Variants in COL4A3 observed in about 807,000 individuals in gnomAD.
COL4A3 encodes the protein collagen alpha-3(IV) chain.
In COL4A3, 135 loss-of-function variants were observed where a neutral mutation model predicts 217.4. The ratio of observed to expected loss-of-function variants is 0.62; its 90% CI spans 0.54 to 0.72. The LOEUF is 0.72. Ranked by LOEUF, COL4A3 falls within the 30% of genes least tolerant of loss-of-function variation. The pLI is 0.00. For missense variants in COL4A3, 1,868 were observed against 2,119.9 expected, an observed-to-expected ratio of 0.88 and a Z score of 2.33; for synonymous variants, 690 against 736.3, an observed-to-expected ratio of 0.94 and a Z score of 1.02.
chr2:227,267,142 T>C (rs1175266536), intron 23 of COL4A3, 54 bp downstream of exon 23: 1 of 1,271,546 alleles, frequency 7.9e-7, no homozygotes, highest in Admixed American at 1.7e-5. Flanking sequence ...GTCAATACAC[T>C]GGAAGAAAAT....
Position 227,270,936 on chromosome 2 carries a change from G to A in COL4A3, c.1742G>A (p.Gly581Glu). ...PGTPGVKGLPGPKGELALSGE... is the reference protein window; with the variant it reads ...PGTPGVKGLPEPKGELALSGE... ...ACTCCGGGAGTGAAAGGATTACCAG[G>A]ACCTAAAGGCGAACTGGTTGGTATT... is the stretch of plus-strand genomic sequence containing the variant. Residue 581 changes from glycine to glutamate, a missense_variant, in exon 25 of 52, where the codon GGA becomes GAA. This residue lies in a region of COL4A3 where 1,503 missense variants were observed against 1,786.1 expected (regional missense o/e 0.84). Coordinates refer to ENST00000396578, the MANE Select transcript of COL4A3 (RefSeq NM_000091.5). 6.2e-7 allele frequency: 1 copy of A among 1,614,090 alleles called. No individual in the cohort carries two copies. The highest frequency in any genetic ancestry group is 1.1e-5 in the South Asian group (1 of 91,060).
rs1178728405 is a variant in COL4A3 at position 227,250,925 on chromosome 2, G to A, written c.547-215G>A. Among the ~76,000 whole-genome samples the A allele has an allele frequency of 6.6e-6, 1 of 152,196 alleles. No individual in the cohort carries two copies. Among genetic ancestry groups the A allele is most frequent in the African/African-American group, 2.4e-5 (1 of 41,444 alleles). ...CGTCTGAAGTAAAGCAACTACTTTG[G>A]TCATTTTAGAAATGTTATCGTCCAG... On this transcript the variant is annotated intron_variant, in intron 9 of 51. Coordinates refer to ENST00000396578, the MANE Select transcript of COL4A3 (RefSeq NM_000091.5). This position sits in a 1 kb window ranked among gnomAD's most constrained non-coding sequence, Gnocchi z 4.1.
intron 1 of COL4A3, among the ~76,000 whole-genome samples, chr2:227,193,704 A>G (rs1453755383): frequency 7.0e-6 from 1 of 143,056 alleles, no homozygotes. Context: ...GAGTGAGGCA[A>G]AAGAAGAAAA....
At position 227,309,404 on chromosome 2, in the gene COL4A3, C is replaced by G. The variant is rs564320422; in HGVS notation, c.4755+86C>G. The G allele has an allele frequency of 2.6e-5, 26 of 992,694 alleles. No individual in the cohort carries two copies. In the Middle Eastern group the frequency reaches 6.8e-4, roughly 26 times the overall value. The allele number at this position is 992,694 out of a possible 1,614,324, so 61.5% of individuals were successfully genotyped here. A position where few individuals can be genotyped will look rare whatever the true frequency, so the allele number is the denominator to read the frequency against. The stretch of plus-strand genomic sequence containing the variant: ...CTGGGTAAAATGTGATTCCCAGGGT[C>G]GATGCTGCCTGCTGTCCGTGTGTGC... On this transcript the variant is annotated intron_variant, in intron 50 of 51. Transcript: ENST00000396578.
At chr2:227,199,251 A>G (rs987612718) in intron 1 of COL4A3, among the ~76,000 whole-genome samples, 4 of 152,332 alleles carry the variant, frequency 2.6e-5, no homozygotes, top group Admixed American at 1.3e-4. Flanking sequence ...TTGCAACCTC[A>G]GTAGTTTTAT....
chr2:227,204,259 T>C (rs1178149739), intron 1 of COL4A3, among the ~76,000 whole-genome samples: 1 of 152,184 alleles, frequency 6.6e-6, no homozygotes, highest in African/African-American at 2.4e-5. Flanking sequence ...TTAGAAATAA[T>C]GTACTTAGAA....
chr2:227,279,846 G>C lies in COL4A3; in HGVS notation c.2179G>C (p.Gly727Arg). 1 of 1,610,300 alleles carries C rather than the reference G, an allele frequency of 6.2e-7. No homozygotes were observed. Among genetic ancestry groups the C allele is most frequent in the Non-Finnish European group, 8.5e-7 (1 of 1,178,460 alleles). ...ATCACTGGGTTGTCCTGGAAAAATG[G>C]GAGAGCCTGGGTTACCTGGAAAGCC... ...KGSLGCPGKM[G>R]EPGLPGKPGL... is the part of the protein sequence containing the mutation. The change falls in exon 29 of 52, where the codon GGA becomes CGA. Residue 727 changes from glycine to arginine, a missense_variant. Physicochemically the swap from Gly to Arg is moderately radical, Grantham distance 125. This residue lies in a region of COL4A3 where 1,503 missense variants were observed against 1,786.1 expected (regional missense o/e 0.84). Coordinates refer to ENST00000396578, the MANE Select transcript of COL4A3 (RefSeq NM_000091.5).
Position 227,266,505 on chromosome 2 carries a change from CA to C in COL4A3, c.1407del (p.Gly470GlufsTer28), listed in dbSNP as rs766025194. The C allele has an allele frequency of 2.5e-6, 4 of 1,612,630 alleles. No individual in the cohort carries two copies. The Admixed American group carries it at 6.7e-5, about 27-fold the overall frequency. ...CAGGAATCCCAGGAGTTGATGGGCC[CA>C]AAGGTTGGTTCAATCAATAATGTTG... is the stretch of plus-strand genomic sequence containing the variant. ...SPGIPGVDGP[K>X]GEPGLLCTQC... is the part of the protein sequence containing the mutation. On this transcript the variant is annotated frameshift_variant, in exon 22 of 52. Transcript: ENST00000396578. LOFTEE classifies it high-confidence loss of function.
intron 1 of COL4A3, among the ~76,000 whole-genome samples, chr2:227,235,891 A>G (rs1396738415): frequency 6.7e-6 from 1 of 149,190 alleles, no homozygotes; most frequent in Non-Finnish European, 1.5e-5. Flanking sequence ...CACCTGCCTC[A>G]GCTTCCCGAG....
In COL4A3 at chr2:227,297,690, G is replaced by T. The variant is rs761347389; in HGVS notation, c.3582G>T (p.Arg1194Ser). ...TCTTTGCAGGAGCCAAAGGAGACAGGGGAGCCCCAGGTTTTCCTGGCCTCC... is the reference window on the plus strand; with the variant it reads ...TCTTTGCAGGAGCCAAAGGAGACAGTGGAGCCCCAGGTTTTCCTGGCCTCC... The part of the protein sequence containing the change: ...NPGAQGAKGD[R>S]GAPGFPGLPG... Residue 1194 changes from arginine (R) to serine (S), a missense_variant, in exon 42 of 52, where the codon AGG (arginine) becomes AGT (serine). By Grantham distance (110) the Arg-to-Ser change is moderately radical (BLOSUM62 -1). This residue lies in a region of COL4A3 where 1,503 missense variants were observed against 1,786.1 expected (regional missense o/e 0.84). Coordinates refer to ENST00000396578, the MANE Select transcript of COL4A3 (RefSeq NM_000091.5). 9.9e-6 allele frequency: 16 copies of T among 1,608,302 alleles called. No individual in the cohort carries two copies. In the East Asian group the frequency reaches 3.6e-4, roughly 36 times the overall value.
At chr2:227,273,957 C>T (rs2125999144) in intron 26 of COL4A3, among the ~76,000 whole-genome samples, 1 of 152,230 alleles carries the variant, frequency 6.6e-6, no homozygotes, top group Non-Finnish European at 1.5e-5. Context: ...TCACCTTAGG[C>T]TGGGCACAGT....
At chr2:227,283,990 CTA>C in intron 33 of COL4A3, 134 bp downstream of exon 33, 4 of 1,001,406 alleles carry the variant, frequency 4.0e-6, no homozygotes, top group Non-Finnish European at 4.5e-6. Context: ...TTGCTGTTTT[CTA>C]TGTTCCTTTT....
intron 1 of COL4A3, among the ~76,000 whole-genome samples, chr2:227,206,847 T>G (rs1037539723): frequency 6.6e-6 from 1 of 152,200 alleles, no homozygotes; most frequent in African/African-American, 2.4e-5. Context: ...GGAAGTATTC[T>G]TTATCATCAC....
intron 1 of COL4A3, among the ~76,000 whole-genome samples, chr2:227,190,605 A>G (rs2066195298): frequency 6.6e-6 from 1 of 152,234 alleles, no homozygotes; most frequent in African/African-American, 2.4e-5. Context: ...TGTATTAATT[A>G]TTTTCTATTA....
chr2:227,256,420 T>A (rs369495466), intron 17 of COL4A3, 24 bp downstream of exon 17: 7 of 1,600,928 alleles, frequency 4.4e-6, no homozygotes, highest in Admixed American at 1.7e-5. Context: ...TAATAGCCTA[T>A]TTTAATAGGT....
chr2:227,230,754 G>A (rs1356991616), intron 1 of COL4A3, among the ~76,000 whole-genome samples: 1 of 152,192 alleles, frequency 6.6e-6, no homozygotes, highest in Non-Finnish European at 1.5e-5. Context: ...GCATTAGTGA[G>A]AGAAATTAAT....
At chr2:227,204,492 A>C (rs970320754) in intron 1 of COL4A3, among the ~76,000 whole-genome samples, 2 of 152,266 alleles carry the variant, frequency 1.3e-5, no homozygotes, top group East Asian at 3.9e-4. Context: ...GATGATGCTC[A>C]GGGTTAGACT....
intron 1 of COL4A3, among the ~76,000 whole-genome samples, chr2:227,222,154 A>AATC (rs2067830608): frequency 1.0e-5 from 1 of 95,350 alleles, no homozygotes; most frequent in Non-Finnish European, 2.2e-5. Context: ...TAATAATAAT[A>AATC]ATAATAATAA....
At chr2:227,309,658 G>A (rs1392929474) in intron 50 of COL4A3, among the ~76,000 whole-genome samples, 1 of 152,032 alleles carries the variant, frequency 6.6e-6, no homozygotes, top group Non-Finnish European at 1.5e-5. Flanking sequence ...CTGGAGTGCA[G>A]TGGAGTGATT....
Sources: gnomAD v4.1 joint callset for allele counts (sites outside exome capture counted in the v4.1 genomes callset) on GRCh38, gnomAD v4.1.1 for gene constraint, gnomAD v4.1.1 regional missense constraint, Gnocchi (gnomAD v3.1) non-coding constraint, MANE v1.5 for transcripts, NCBI Gene and HGNC (gene_info 2026-07-23, HGNC 2026-07-21) for gene names.